Variants in MAN1A2 observed in about 807,000 individuals in gnomAD.
MAN1A2 encodes the protein mannosidase alpha class 1A member 2, also known as mannosyl-oligosaccharide 1,2-alpha-mannosidase IB.
MAN1A2 carries 26 observed loss-of-function variants against 75.7 expected under a neutral mutation model. The ratio of observed to expected loss-of-function variants is 0.34; its 90% CI spans 0.25 to 0.48. The LOEUF (loss-of-function observed/expected upper bound fraction) is 0.48, where lower values mean the gene tolerates loss of function less well. Among genes scored for constraint, MAN1A2 ranks in the 20% least tolerant of loss-of-function variants. The pLI is 0.99. For synonymous variants in MAN1A2, 247 were observed against 264.6 expected (o/e 0.93, Z 0.65); for missense variants, 562 against 775.5 (o/e 0.72, Z 3.27).
intron 1 of MAN1A2, among the ~76,000 whole-genome samples, chr1:117,375,830 AT>A (rs1380073723): frequency 6.6e-6 from 1 of 151,764 alleles, no homozygotes; most frequent in Non-Finnish European, 1.5e-5. Context: ...GGTCATTGGC[AT>A]TTTTTAAGAG....
chr1:117,480,638 A>T (rs1193031294), intron 8 of MAN1A2, among the ~76,000 whole-genome samples: 1 of 151,712 alleles, frequency 6.6e-6, no homozygotes, highest in Non-Finnish European at 1.5e-5. Context: ...TTTTTTACTC[A>T]TTTGAGTATT....
chr1:117,481,705 T>C (rs1650501891), intron 8 of MAN1A2, among the ~76,000 whole-genome samples: 1 of 151,934 alleles, frequency 6.6e-6, no homozygotes. Flanking sequence ...TATCAGGAGA[T>C]ACCATGCTTT....
At chr1:117,415,111 T>C (rs576217675) in intron 4 of MAN1A2, among the ~76,000 whole-genome samples, 3 of 152,146 alleles carry the variant, frequency 2.0e-5, no homozygotes, top group South Asian at 4.2e-4. Context: ...TCTGGCACTT[T>C]AGCATGGTCA....
chr1:117,402,497 A>AC (rs1255484055), intron 2 of MAN1A2, 56 bp downstream of exon 2: 2 of 1,445,744 alleles, frequency 1.4e-6, no homozygotes, highest in African/African-American at 2.9e-5. Flanking sequence ...TTGGATACAA[A>AC]CAAATATATA....
intron 1 of MAN1A2, among the ~76,000 whole-genome samples, chr1:117,378,241 A>T (rs1307856858): frequency 6.6e-6 from 1 of 152,198 alleles, no homozygotes; most frequent in Non-Finnish European, 1.5e-5. Flanking sequence ...TGGCTGGATT[A>T]CCCTTCTTGA....
At chr1:117,425,403 C>G (rs1557944571) in intron 5 of MAN1A2, among the ~76,000 whole-genome samples, 3 of 152,122 alleles carry the variant, frequency 2.0e-5, no homozygotes, top group South Asian at 4.1e-4. Flanking sequence ...TAAAGTAAAA[C>G]TATAGATCAG....
At chr1:117,386,721 C>T (rs1274437559) in intron 1 of MAN1A2, among the ~76,000 whole-genome samples, 1 of 46,050 alleles carries the variant, frequency 2.2e-5, no homozygotes, top group Non-Finnish European at 4.4e-5. Flanking sequence ...GGCTCAGTGG[C>T]TCATCCCTGT....
intron 3 of MAN1A2, among the ~76,000 whole-genome samples, chr1:117,411,418 G>T (rs984187497): frequency 2.6e-5 from 4 of 151,702 alleles, no homozygotes; most frequent in African/African-American, 9.7e-5. Context: ...CTTCAACATT[G>T]TATAGAAAAA....
chr1:117,375,913 A>ATG (rs1553229095), intron 1 of MAN1A2, among the ~76,000 whole-genome samples: 4 of 88,630 alleles, frequency 4.5e-5, no homozygotes, highest in Non-Finnish European at 9.2e-5. Context: ...TAATTAATTT[A>ATG]TGTTTTTTTT....
At position 117,527,423 on chromosome 1, in the gene MAN1A2, TTC is replaced by T. The variant is rs1315858152; in HGVS notation, c.*4468_*4469del. 1 of 152,012 alleles carries T rather than the reference TTC, an allele frequency of 6.6e-6. No individual in the cohort carries two copies. Among genetic ancestry groups the T allele is most frequent in the African/African-American group, 2.4e-5 (1 of 41,452 alleles). 9.4% of individuals were successfully genotyped at this position (152,012 alleles called of 1,614,324 possible). ...CCCTCTAACCTTTGATCTGCGTCTT[TTC>T]TGTTTTGATTTACATAATTCATTTT... On this transcript the variant is annotated 3_prime_UTR_variant, in exon 13 of 13. Coordinates refer to ENST00000356554, the MANE Select transcript of MAN1A2 (RefSeq NM_006699.5).
chr1:117,458,992 G>A (rs532321160), intron 6 of MAN1A2, among the ~76,000 whole-genome samples: 2 of 152,108 alleles, frequency 1.3e-5, no homozygotes, highest in Non-Finnish European at 2.9e-5. Context: ...AAGCAGTCAT[G>A]AAAGCTAGAC....
chr1:117,384,061 T>C lies in MAN1A2; in HGVS notation c.302+15576T>C, dbSNP rs575917810. 2.6e-5 allele frequency among the ~76,000 whole-genome samples: 4 copies of C among 152,336 alleles called. No individual in the cohort carries two copies. In the East Asian group the frequency reaches 7.7e-4, roughly 29 times the overall value. ...ACCAGAGGTTTGTCAATTTTGTTGA[T>C]CTTGTCAAAGAACCAACTTTTGGTT... On this transcript the variant is annotated intron_variant, in intron 1 of 12. Coordinates refer to ENST00000356554, the MANE Select transcript of MAN1A2 (RefSeq NM_006699.5).
rs1160437910 is a variant in MAN1A2, at chr1:117,428,113, ATT to A, written c.855+7476_855+7477del. ...TAAATCTCTCTCTCTCTCTCTCTCTATTTTTTTTTTTTTGGGGGGGGACCGAG... is the reference window on the plus strand; with the variant it reads ...TAAATCTCTCTCTCTCTCTCTCTCTATTTTTTTTTTTGGGGGGGGACCGAG... On this transcript the variant is annotated intron_variant, in intron 5 of 12. Transcript: ENST00000356554. 1.9e-4 allele frequency among the ~76,000 whole-genome samples: 22 copies of A among 113,918 alleles called. No individual in the cohort carries two copies. In the East Asian group the frequency reaches 3.0e-3, roughly 16 times the overall value. 74.7% of individuals were successfully genotyped at this position (113,918 alleles called of 152,430 possible).
intron 6 of MAN1A2, among the ~76,000 whole-genome samples, chr1:117,455,438 C>T (rs1202126574): frequency 6.6e-6 from 1 of 152,012 alleles, no homozygotes; most frequent in Non-Finnish European, 1.5e-5. Context: ...TTTCATTTGT[C>T]ATAACCCATT....
At chr1:117,424,034 A>G (rs1320267106) in intron 5 of MAN1A2, among the ~76,000 whole-genome samples, 1 of 151,106 alleles carries the variant, frequency 6.6e-6, no homozygotes, top group Non-Finnish European at 1.5e-5. Flanking sequence ...TTGACTTTTT[A>G]CCCTGTGATT....
chr1:117,419,767 A>G (rs139006677), intron 4 of MAN1A2, among the ~76,000 whole-genome samples: 329 of 152,134 alleles, frequency 2.2e-3, no homozygotes, highest in African/African-American at 7.4e-3. Flanking sequence ...CTATTTAGTA[A>G]GGTTATTAAT....
At chr1:117,433,020 AAGC>A (rs1322560814) in intron 5 of MAN1A2, among the ~76,000 whole-genome samples, 20 of 151,064 alleles carry the variant, frequency 1.3e-4, no homozygotes, top group African/African-American at 4.4e-4. Context: ...AGATTTGAAA[AAGC>A]AGTTAATGTA....
At chr1:117,393,571 A>G (rs1353566854) in intron 1 of MAN1A2, among the ~76,000 whole-genome samples, 2 of 152,032 alleles carry the variant, frequency 1.3e-5, no homozygotes, top group Admixed American at 6.6e-5. Context: ...GCTATTTAAT[A>G]TCTAACTTTG....
At chr1:117,429,642 C>T (rs1648525304) in intron 5 of MAN1A2, among the ~76,000 whole-genome samples, 1 of 111,494 alleles carries the variant, frequency 9.0e-6, no homozygotes, top group Admixed American at 8.0e-5. Context: ...TCCTCACTTC[C>T]CAGTAGGGGC....
Sources: allele counts gnomAD v4.1 joint callset (sites outside exome capture counted in the v4.1 genomes callset), GRCh38; gene constraint gnomAD v4.1.1; transcripts MANE v1.5; gene names NCBI Gene and HGNC (gene_info 2026-07-23, HGNC 2026-07-21).